The following AGAP1 variants were observed in gnomAD, a reference collection of about 807,000 sequenced individuals.
AGAP1 encodes ArfGAP with GTPase domain, ankyrin repeat and PH domain 1, also known as arf-GAP with GTPase, ANK repeat and PH domain-containing protein 1.
In AGAP1, 29 loss-of-function variants were observed where a neutral mutation model predicts 105.3. That is an observed-to-expected ratio of 0.28 (90% CI 0.21 to 0.38). The LOEUF is 0.38. Ranked by LOEUF, AGAP1 falls within the 10% of genes least tolerant of loss-of-function variation. The pLI, the probability that AGAP1 is intolerant of heterozygous loss-of-function variation, is 1.00. For synonymous variants in AGAP1, 509 were observed against 485.9 expected, an observed-to-expected ratio of 1.05 and a Z score of -0.63; for missense variants, 998 against 1,165.1, an observed-to-expected ratio of 0.86 and a Z score of 2.09.
intron 6 of AGAP1, among the ~76,000 whole-genome samples, chr2:235,772,075 A>C (rs1265232586): frequency 6.9e-6 from 1 of 144,978 alleles, no homozygotes; most frequent in Non-Finnish European, 1.5e-5. Flanking sequence ...GGCTTACTGC[A>C]ACCTCCGCCT....
chr2:235,806,269 A>G (rs896439269), intron 8 of AGAP1, among the ~76,000 whole-genome samples: 1 of 152,214 alleles, frequency 6.6e-6, no homozygotes, highest in Admixed American at 6.5e-5. Context: ...TCCATTTTCA[A>G]TATTGTGTGA....
At chr2:236,084,774 G>T (rs1366969468) in intron 16 of AGAP1, among the ~76,000 whole-genome samples, 1 of 151,556 alleles carries the variant, frequency 6.6e-6, no homozygotes, top group Non-Finnish European at 1.5e-5. Flanking sequence ...CATGGTGGTG[G>T]GCGCCTGTAG....
At chr2:235,748,950 T>C (rs1953193914) in intron 5 of AGAP1, among the ~76,000 whole-genome samples, 1 of 152,106 alleles carries the variant, frequency 6.6e-6, no homozygotes, top group Non-Finnish European at 1.5e-5. Context: ...GGCTCACGCC[T>C]GTAATCCCAA....
intron 1 of AGAP1, among the ~76,000 whole-genome samples, chr2:235,499,043 G>A (rs1019412972): frequency 1.2e-4 from 18 of 152,222 alleles, no homozygotes; most frequent in African/African-American, 2.9e-4. Flanking sequence ...TGTCTGAGGT[G>A]CATCATCTCA....
Position 235,879,531 on chromosome 2 carries a change from T to C in AGAP1, c.1051-3814T>C, listed in dbSNP as rs62190914. Among the ~76,000 whole-genome samples, 48,702 of 152,124 alleles carry C rather than the reference T, an allele frequency of 0.32. 8,647 individuals carry two copies. Among genetic ancestry groups the C allele is most frequent in the Admixed American group, 0.46 (7,022 of 15,270 alleles). On this transcript the variant is annotated intron_variant, in intron 9 of 17. Transcript: ENST00000304032. The surrounding 1 kb of genome is among the most constrained non-coding windows in gnomAD (Gnocchi z 5.0). ...GACGTAGAGTTTAAGTTAAGTTTAC[T>C]TATTTAATAAGATCTTAAGTTTATT...
rs1953028408 is a variant in AGAP1 at position 235,747,231 on chromosome 2, G to A, written c.538+2392G>A. Among the ~76,000 whole-genome samples the A allele has an allele frequency of 6.6e-6, 1 of 152,058 alleles. No individual in the cohort carries two copies. Among genetic ancestry groups the A allele is most frequent in the Admixed American group, 6.5e-5 (1 of 15,268 alleles). The stretch of plus-strand genomic sequence containing the variant: ...TCCTGCCTGAGCCAAGGGGCACATC[G>A]AGCCTCCTGCCAGGGTGGCTGCTTA... On this transcript the variant is annotated intron_variant, in intron 5 of 17. Coordinates refer to ENST00000304032, the MANE Select transcript of AGAP1 (RefSeq NM_001037131.3). The surrounding 1 kb of genome is among the most constrained non-coding windows in gnomAD (Gnocchi z 5.0).
rs1279554459 is a variant in AGAP1, at chr2:235,662,143, C to T, written c.164-47036C>T. Among the ~76,000 whole-genome samples the T allele has an allele frequency of 6.6e-6, 1 of 152,202 alleles. No individual in the cohort carries two copies. The highest frequency in any genetic ancestry group is 1.5e-5 in the Non-Finnish European group (1 of 68,038). ...CCACCTCCAAGCTGACCACCCTACTCAGCTCCTTTAGGGTGGAGTGGCTGT... is the reference window on the plus strand; with the variant it reads ...CCACCTCCAAGCTGACCACCCTACTTAGCTCCTTTAGGGTGGAGTGGCTGT... On this transcript the variant is annotated intron_variant, in intron 1 of 17. Transcript: ENST00000304032. The surrounding 1 kb of genome is among the most constrained non-coding windows in gnomAD (Gnocchi z 4.2).
intron 2 of AGAP1, among the ~76,000 whole-genome samples, chr2:235,711,593 C>A (rs947347106): frequency 6.6e-6 from 1 of 152,136 alleles, no homozygotes; most frequent in Non-Finnish European, 1.5e-5. Context: ...CGGTCCTGTC[C>A]CTGGCCTGAG....
At chr2:235,588,379 A>C (rs551159170) in intron 1 of AGAP1, among the ~76,000 whole-genome samples, 2 of 152,164 alleles carry the variant, frequency 1.3e-5, no homozygotes, top group Admixed American at 6.5e-5. Flanking sequence ...CCACTTCTCT[A>C]CACTCAACCA....
In AGAP1 at chr2:235,964,889, A is replaced by C. The variant is rs1337054784; in HGVS notation, c.1484-3573A>C. 6.6e-6 allele frequency among the ~76,000 whole-genome samples: 1 copy of C among 152,158 alleles called. No homozygotes were observed. The highest frequency in any genetic ancestry group is 2.4e-5 in the African/African-American group (1 of 41,442). On this transcript the variant is annotated intron_variant, in intron 12 of 17. Coordinates refer to ENST00000304032, the MANE Select transcript of AGAP1 (RefSeq NM_001037131.3). The surrounding 1 kb of genome is among the most constrained non-coding windows in gnomAD (Gnocchi z 4.6). ...CTGGACCAGGGGTACGTGGTGCTTAAATGGAGAGCAGGCAGTCATGGAGCG... is the reference window on the plus strand; with the variant it reads ...CTGGACCAGGGGTACGTGGTGCTTACATGGAGAGCAGGCAGTCATGGAGCG...
chr2:235,653,920 G>A (rs901795861), intron 1 of AGAP1, among the ~76,000 whole-genome samples: 2 of 152,206 alleles, frequency 1.3e-5, no homozygotes, highest in Non-Finnish European at 2.9e-5. Context: ...GCCGGGAGTG[G>A]TGGCAGGCGC....
At chr2:235,738,566 T>TC (rs1365156863) in intron 3 of AGAP1, among the ~76,000 whole-genome samples, 2 of 151,574 alleles carry the variant, frequency 1.3e-5, no homozygotes, top group African/African-American at 2.4e-5. Context: ...TTTCTTTCTT[T>TC]TTTTTTTTTG....
intron 1 of AGAP1, among the ~76,000 whole-genome samples, chr2:235,531,880 G>A (rs1363280334): frequency 6.6e-6 from 1 of 152,054 alleles, no homozygotes; most frequent in African/African-American, 2.4e-5. Flanking sequence ...CCAAAATGCT[G>A]GGATTACAGA....
chr2:235,882,228 A>G lies in AGAP1; in HGVS notation c.1051-1117A>G. ...TGGGGGTGGTCCTTCAGAGACCCACAGGCCAGTGGCATCGGTGCAGAGTGC... is the reference window on the plus strand; with the variant it reads ...TGGGGGTGGTCCTTCAGAGACCCACGGGCCAGTGGCATCGGTGCAGAGTGC... On this transcript the variant is annotated intron_variant, in intron 9 of 17. Transcript: ENST00000304032. The surrounding 1 kb of genome is among the most constrained non-coding windows in gnomAD (Gnocchi z 4.6). The G allele has an allele frequency of 4.9e-6, 2 of 408,250 alleles. No homozygotes were observed. 25.3% of individuals were successfully genotyped at this position (408,250 alleles called of 1,614,324 possible).
chr2:235,786,076 A>G (rs1956616981), intron 6 of AGAP1, among the ~76,000 whole-genome samples: 1 of 152,162 alleles, frequency 6.6e-6, no homozygotes, highest in Non-Finnish European at 1.5e-5. Context: ...AGACAGCTTG[A>G]TGAGTTGAGA....
chr2:235,704,104 C>T (rs562123339), intron 1 of AGAP1, among the ~76,000 whole-genome samples: 1 of 152,302 alleles, frequency 6.6e-6, no homozygotes, highest in African/African-American at 2.4e-5. Context: ...CTTGATCTCC[C>T]ATGGACACTG....
rs113598327 is a variant in AGAP1 at position 235,497,744 on chromosome 2, A to G, written c.163+2895A>G. Among the ~76,000 whole-genome samples the G allele has an allele frequency of 6.9e-3, 1,044 of 152,162 alleles. 9 individuals are homozygous for G. The highest frequency in any genetic ancestry group is 0.024 in the African/African-American group (978 of 41,516). On this transcript the variant is annotated intron_variant, in intron 1 of 17. Coordinates refer to ENST00000304032, the MANE Select transcript of AGAP1 (RefSeq NM_001037131.3). ...CGAGTAGCTGGGACTACAGGCGCCC[A>G]CCACCTCGCCTGGCTAATTTTTTCT...
intron 16 of AGAP1, among the ~76,000 whole-genome samples, chr2:236,099,488 T>C (rs2059291715): frequency 6.6e-6 from 1 of 151,928 alleles, no homozygotes; most frequent in African/African-American, 2.4e-5. Flanking sequence ...GGTGCTTGGT[T>C]CTTAATTTTG....
At position 236,090,999 on chromosome 2, in the gene AGAP1, G is replaced by A. The variant is rs1259873478; in HGVS notation, c.2115-29193G>A. ...GGTGATCTGCCCACCTCGGCCTCCC[G>A]AAGTGCTGGGTTGACAGGCGTGTGC... On this transcript the variant is annotated intron_variant, in intron 16 of 17. Coordinates refer to ENST00000304032, the MANE Select transcript of AGAP1 (RefSeq NM_001037131.3). The surrounding 1 kb of genome is among the most constrained non-coding windows in gnomAD (Gnocchi z 4.3). Among the ~76,000 whole-genome samples the A allele has an allele frequency of 4.6e-5, 7 of 152,184 alleles. No homozygotes were observed. Among genetic ancestry groups the A allele is most frequent in the South Asian group, 2.1e-4 (1 of 4,836 alleles).
Sources: allele counts gnomAD v4.1 joint callset (sites outside exome capture counted in the v4.1 genomes callset), GRCh38; gene constraint gnomAD v4.1.1; non-coding constraint Gnocchi (gnomAD v3.1); transcripts MANE v1.5; gene names NCBI Gene and HGNC (gene_info 2026-07-23, HGNC 2026-07-21).